The following GRM5 variants were observed in gnomAD, a reference collection of about 807,000 sequenced individuals.
GRM5 encodes glutamate metabotropic receptor 5, also known as metabotropic glutamate receptor 5.
A neutral mutation model predicts 83.1 loss-of-function variants in GRM5; 19 were observed. The ratio of observed to expected loss-of-function variants is 0.23; its 90% CI spans 0.16 to 0.34. GRM5 has a LOEUF of 0.34. Among genes scored for constraint, GRM5 ranks in the 10% least tolerant of loss-of-function variants. The pLI is 1.00. For missense variants in GRM5, 1,160 were observed against 1,588.3 expected, an observed-to-expected ratio of 0.73 and a Z score of 4.58; for synonymous variants, 675 against 633.6, an observed-to-expected ratio of 1.07 and a Z score of -0.98.
At chr11:88,808,147 C>T (rs1943528355) in intron 3 of GRM5, among the ~76,000 whole-genome samples, 1 of 151,940 alleles carries the variant, frequency 6.6e-6, no homozygotes, top group Non-Finnish European at 1.5e-5. Context: ...AGACATTTTA[C>T]ATAGTATATA....
intron 3 of GRM5, among the ~76,000 whole-genome samples, chr11:88,701,976 C>T (rs2135373773): frequency 6.6e-6 from 1 of 152,060 alleles, no homozygotes; most frequent in African/African-American, 2.4e-5. Flanking sequence ...TCTATTCTAA[C>T]ATTAATGCTG....
intron 4 of GRM5, among the ~76,000 whole-genome samples, chr11:88,633,408 G>A (rs1504085): frequency 0.056 from 8,539 of 152,090 alleles, 224 homozygotes; most frequent in Middle Eastern, 0.071. Context: ...TTTTGCTGTC[G>A]CGTATAAGAA....
Position 88,597,297 on chromosome 11 carries a change from C to T in GRM5, c.1450G>A (p.Val484Ile). The T allele has an allele frequency of 3.2e-6, 5 of 1,576,172 alleles. No individual in the cohort carries two copies. The highest frequency in any genetic ancestry group is 4.4e-6 in the Non-Finnish European group (5 of 1,146,846). Residue 484 changes from valine to isoleucine, a missense_variant, in exon 6 of 10, where the codon GTT (valine) becomes ATT (isoleucine). Coordinates refer to ENST00000305447, the MANE Select transcript of GRM5 (RefSeq NM_001143831.3). ...AATTCTCCATTGTCCCAACTTCCAACGTTGATATAATCAAAGTAATCTTTT... is the reference window on the plus strand; with the variant it reads ...AATTCTCCATTGTCCCAACTTCCAATGTTGATATAATCAAAGTAATCTTTT... ...MGKDYFDYINVGSWDNGELKM... is the reference protein window; with the variant it reads ...MGKDYFDYINIGSWDNGELKM...
At chr11:88,886,763 G>A (rs889585704) in intron 2 of GRM5, among the ~76,000 whole-genome samples, 13 of 152,106 alleles carry the variant, frequency 8.5e-5, no homozygotes, top group African/African-American at 3.1e-4. Flanking sequence ...TCCTGTCTGC[G>A]ATCATCATAT....
intron 8 of GRM5, among the ~76,000 whole-genome samples, chr11:88,529,705 T>C (rs1001731188): frequency 6.6e-6 from 1 of 151,840 alleles, no homozygotes; most frequent in African/African-American, 2.4e-5. Flanking sequence ...CAGTTATGCA[T>C]GTGAGAGATG....
At chr11:88,737,088 C>T (rs533584866) in intron 3 of GRM5, among the ~76,000 whole-genome samples, 1 of 152,188 alleles carries the variant, frequency 6.6e-6, no homozygotes, top group South Asian at 2.1e-4. Flanking sequence ...AATTGAATCA[C>T]ACATACTGTG....
At chr11:88,745,083 GT>G (rs1482399820) in intron 3 of GRM5, among the ~76,000 whole-genome samples, 2 of 151,880 alleles carry the variant, frequency 1.3e-5, no homozygotes, top group African/African-American at 4.8e-5. Flanking sequence ...GACTTCACAA[GT>G]TATATAGTCA....
chr11:88,589,366 G>A (rs1313988601), intron 7 of GRM5, among the ~76,000 whole-genome samples: 1 of 151,968 alleles, frequency 6.6e-6, no homozygotes, highest in Non-Finnish European at 1.5e-5. Context: ...GCAAAAATAA[G>A]ATTCAAATGC....
At chr11:88,542,067 T>C (rs1208022320) in intron 8 of GRM5, among the ~76,000 whole-genome samples, 1 of 152,220 alleles carries the variant, frequency 6.6e-6, no homozygotes, top group Non-Finnish European at 1.5e-5. Context: ...TCCCCAGCCA[T>C]GTGGAACTGG....
chr11:88,571,914 A>C (rs1943011785), intron 7 of GRM5, among the ~76,000 whole-genome samples: 1 of 152,216 alleles, frequency 6.6e-6, no homozygotes, highest in Non-Finnish European at 1.5e-5. Context: ...GGGATGATAA[A>C]GACAAAAACT....
At chr11:88,577,776 A>T (rs1001624043) in intron 7 of GRM5, among the ~76,000 whole-genome samples, 1 of 152,166 alleles carries the variant, frequency 6.6e-6, no homozygotes, top group Non-Finnish European at 1.5e-5. Flanking sequence ...AAAATGCAAA[A>T]GTCAGATATG....
chr11:88,915,682 A>G (rs1730141842), intron 2 of GRM5, among the ~76,000 whole-genome samples: 1 of 152,158 alleles, frequency 6.6e-6, no homozygotes, highest in Non-Finnish European at 1.5e-5. Flanking sequence ...TTATTTGACA[A>G]TCCATTTCTT....
intron 3 of GRM5, among the ~76,000 whole-genome samples, chr11:88,816,865 T>A (rs1943700436): frequency 6.6e-6 from 1 of 151,966 alleles, no homozygotes; most frequent in African/African-American, 2.4e-5. Context: ...TAAACAATTT[T>A]ATGCCCACAA....
chr11:88,724,727 G>A (rs1017541966), intron 3 of GRM5, among the ~76,000 whole-genome samples: 26 of 152,124 alleles, frequency 1.7e-4, no homozygotes, highest in Non-Finnish European at 4.4e-5. Context: ...CACTGGGACT[G>A]GTTAGACAGT....
chr11:88,667,626 G>A (rs1454294196), intron 3 of GRM5, among the ~76,000 whole-genome samples: 1 of 152,178 alleles, frequency 6.6e-6, no homozygotes, highest in African/African-American at 2.4e-5. Flanking sequence ...AGGCGCAGTG[G>A]CTCACGCCTG....
At chr11:88,957,967 A>C (rs1267863828) in intron 2 of GRM5, among the ~76,000 whole-genome samples, 4 of 152,118 alleles carry the variant, frequency 2.6e-5, no homozygotes, top group Non-Finnish European at 5.9e-5. Flanking sequence ...GAATCTTTTT[A>C]AGAACTATTT....
intron 2 of GRM5, among the ~76,000 whole-genome samples, chr11:88,925,244 T>C (rs1455382871): frequency 6.6e-6 from 1 of 152,134 alleles, no homozygotes; most frequent in Non-Finnish European, 1.5e-5. Context: ...TGTCTCTATG[T>C]GATTTTAGTG....
chr11:89,047,481 T>C lies in GRM5; in HGVS notation c.392A>G (p.Asp131Gly), dbSNP rs1482344412. The C allele has an allele frequency of 1.9e-6, 3 of 1,614,162 alleles. No homozygotes were observed. Residue 131 changes from aspartate to glycine, a missense_variant, in exon 2 of 10, where the codon GAT (aspartate) becomes GGT (glycine). This residue lies in a region of GRM5 where 39 missense variants were observed against 36.7 expected (regional missense o/e 1.06). Transcript: ENST00000305447. The surrounding 1 kb of genome is among the most constrained non-coding windows in gnomAD (Gnocchi z 5.1). The part of the protein sequence containing the change: ...EEEEGLVRCV[D>G]GSSSSFRSKK... ...GGAGCGGAAGGAAGAGGAGGAGCCATCCACACAGCGTACCAAGCCTTCTTC... is the reference window on the plus strand; with the variant it reads ...GGAGCGGAAGGAAGAGGAGGAGCCACCCACACAGCGTACCAAGCCTTCTTC...
intron 4 of GRM5, among the ~76,000 whole-genome samples, chr11:88,619,601 G>C (rs1209862183): frequency 6.6e-6 from 1 of 152,012 alleles, no homozygotes; most frequent in East Asian, 1.9e-4. Flanking sequence ...TAATTTCTTG[G>C]GTAGTGTTAT....
Sources: gnomAD v4.1 joint callset for allele counts (sites outside exome capture counted in the v4.1 genomes callset) on GRCh38, gnomAD v4.1.1 for gene constraint, gnomAD v4.1.1 regional missense constraint, Gnocchi (gnomAD v3.1) non-coding constraint, MANE v1.5 for transcripts, NCBI Gene and HGNC (gene_info 2026-07-23, HGNC 2026-07-21) for gene names.